The following GOPC variants were observed in gnomAD, a reference collection of about 807,000 sequenced individuals.
GOPC encodes the protein golgi associated PDZ and coiled-coil motif containing.
Under a neutral mutation model 51.2 loss-of-function variants are expected in GOPC, and 32 were observed. That is an observed-to-expected ratio of 0.63 (90% CI 0.47 to 0.84). GOPC has a LOEUF of 0.84. GOPC is among the 40% of genes least tolerant of loss of function. The pLI, the probability that GOPC is intolerant of heterozygous loss-of-function variation, is 0.00. For missense variants in GOPC, 441 were observed against 555.5 expected (o/e 0.79, Z 2.07); for synonymous variants, 190 against 205.1 (o/e 0.93, Z 0.63).
intron 4 of GOPC, among the ~76,000 whole-genome samples, chr6:117,574,417 C>T: frequency 6.6e-6 from 1 of 152,094 alleles, no homozygotes; most frequent in South Asian, 2.1e-4. Flanking sequence ...TTAATAAATA[C>T]AGCAGAATTC....
intron 5 of GOPC, among the ~76,000 whole-genome samples, chr6:117,572,916 T>G (rs947209689): frequency 6.6e-6 from 1 of 152,240 alleles, no homozygotes; most frequent in African/African-American, 2.4e-5. Context: ...GTCTATATTA[T>G]CAAGCAGCTG....
At chr6:117,585,084 A>G (rs986212966) in intron 1 of GOPC, among the ~76,000 whole-genome samples, 6 of 152,216 alleles carry the variant, frequency 3.9e-5, no homozygotes, top group Non-Finnish European at 5.9e-5. Flanking sequence ...ACAAATTAAC[A>G]TAAGAGGCAT....
intron 1 of GOPC, among the ~76,000 whole-genome samples, chr6:117,600,164 C>CACAG (rs1771972318): frequency 6.6e-6 from 1 of 152,158 alleles, no homozygotes; most frequent in Non-Finnish European, 1.5e-5. Context: ...TTCTTGCTGG[C>CACAG]AGGGGATCTG....
chr6:117,573,872 T>C (rs1004974756), intron 4 of GOPC, among the ~76,000 whole-genome samples: 6 of 152,178 alleles, frequency 3.9e-5, no homozygotes, highest in Non-Finnish European at 7.4e-5. Context: ...TGAACTCCTT[T>C]AGTCATATAC....
intron 1 of GOPC, among the ~76,000 whole-genome samples, chr6:117,590,014 C>G (rs997901604): frequency 2.0e-5 from 3 of 152,116 alleles, no homozygotes; most frequent in African/African-American, 7.2e-5. Context: ...ATAAATGAAC[C>G]TGAAGATCAG....
At chr6:117,569,840 C>T in intron 6 of GOPC, 104 bp from the exon 7 acceptor site, 4 of 1,230,842 alleles carry the variant, frequency 3.2e-6, no homozygotes, top group Non-Finnish European at 4.3e-6. Context: ...TCATTAAACA[C>T]CTATGCTGTC....
intron 5 of GOPC, among the ~76,000 whole-genome samples, chr6:117,572,851 A>G (rs1232898426): frequency 1.3e-5 from 2 of 152,238 alleles, no homozygotes; most frequent in African/African-American, 4.8e-5. Context: ...AAGGCCATAC[A>G]TTATCTGGTA....
rs554687710 is a variant in GOPC at position 117,563,683 on chromosome 6, C to T, written c.1259-299G>A. Among the ~76,000 whole-genome samples the T allele has an allele frequency of 8.6e-5, 13 of 151,466 alleles. No individual in the cohort carries two copies. The South Asian group carries it at 2.5e-3, about 29-fold the overall frequency. ...GTTGCAGTGAGCTGAGATCGTACCA[C>T]CGCACTCTAGCCTGGGTGACAGAGT... On this transcript the variant is annotated intron_variant, in intron 8 of 8. Coordinates refer to ENST00000368498, the MANE Select transcript of GOPC (RefSeq NM_020399.4).
In GOPC at chr6:117,593,014, T is replaced by TAA. The variant is rs1780142281; in HGVS notation, c.285+8989_285+8990insTT. On this transcript the variant is annotated intron_variant, in intron 1 of 8. Transcript: ENST00000368498. Reference sequence around the variant, plus strand: ...TAAACCTAGTTATTACTCTCATTACTGTGCCTGTACCTAAACAGATATGCA... The same window carrying TAA: ...TAAACCTAGTTATTACTCTCATTACTAAGTGCCTGTACCTAAACAGATATGCA... 2.0e-5 allele frequency among the ~76,000 whole-genome samples: 3 copies of TAA among 152,326 alleles called. No individual in the cohort carries two copies. In the South Asian group the frequency reaches 6.2e-4, roughly 32 times the overall value.
rs1305816403 is a variant in GOPC at position 117,573,647 on chromosome 6, A to G, written c.651-15T>C. 1 of 1,594,520 alleles carries G rather than the reference A, an allele frequency of 6.3e-7. No homozygotes were observed. Among genetic ancestry groups the G allele is most frequent in the African/African-American group, 1.3e-5 (1 of 74,182 alleles). ...TCTGTTGGACCCTTCATATTGGGAAAAGAGTACATTGATTTTTCATTATAT... is the reference window on the plus strand; with the variant it reads ...TCTGTTGGACCCTTCATATTGGGAAGAGAGTACATTGATTTTTCATTATAT... On this transcript the variant is annotated splice_polypyrimidine_tract_variant and intron_variant, in intron 4 of 8. Transcript: ENST00000368498.
chr6:117,592,680 A>G (rs1780136166), intron 1 of GOPC, among the ~76,000 whole-genome samples: 1 of 152,026 alleles, frequency 6.6e-6, no homozygotes, highest in African/African-American at 2.4e-5. Context: ...TCTTACCTCC[A>G]TCTTTACATA....
intron 1 of GOPC, 97 bp downstream of exon 1, chr6:117,601,907 A>G (rs1772019735): frequency 7.5e-7 from 1 of 1,333,372 alleles, no homozygotes; most frequent in Admixed American, 2.2e-5. Flanking sequence ...CCCGGTGGGC[A>G]GTTTTCTAGG....
At chr6:117,568,330 G>A (rs140507163) in intron 7 of GOPC, among the ~76,000 whole-genome samples, 4,321 of 152,304 alleles carry the variant, frequency 0.028, 86 homozygotes, top group Non-Finnish European at 0.046. Context: ...ACTATGGCTT[G>A]CCTTTGCTCA....
chr6:117,597,387 T>C (rs1026777969), intron 1 of GOPC, among the ~76,000 whole-genome samples: 3 of 152,186 alleles, frequency 2.0e-5, no homozygotes, highest in Non-Finnish European at 4.4e-5. Context: ...TTCTTTCTCT[T>C]GTCTGATTGC....
At chr6:117,570,741 T>A in intron 6 of GOPC, 119 bp downstream of exon 6, 2 of 422,452 alleles carry the variant, frequency 4.7e-6, no homozygotes, top group Non-Finnish European at 8.4e-6. Context: ...CCCATGGGGA[T>A]AAATTTTAGT....
intron 7 of GOPC, among the ~76,000 whole-genome samples, chr6:117,568,106 G>A (rs77216356): frequency 0.035 from 5,375 of 151,988 alleles, 129 homozygotes; most frequent in Non-Finnish European, 0.051. Context: ...GGCTGAGGTC[G>A]GAGGATCTGT....
chr6:117,566,897 A>G lies in GOPC; in HGVS notation c.1215T>C (p.Gly405=). ...LDELEGGGNP[G]ASCKDTSGEI... is the part of the protein sequence containing the mutation. ...CCCCACTTGTGTCTTTGCAACTAGC[A>G]CCAGGGTTACCACCTCCTTCTAACT... Residue 405 remains glycine (G), a synonymous_variant, in exon 8 of 9, where the codon GGT becomes GGC. Transcript: ENST00000368498. The G allele has an allele frequency of 6.2e-7, 1 of 1,604,976 alleles. No individual in the cohort carries two copies. The highest frequency in any genetic ancestry group is 8.5e-7 in the Non-Finnish European group (1 of 1,176,332).
intron 3 of GOPC, 163 bp from the exon 4 acceptor site, chr6:117,575,515 A>G: frequency 2.6e-6 from 2 of 767,066 alleles, no homozygotes; most frequent in Non-Finnish European, 4.7e-6. Context: ...GTACCATAAC[A>G]TCTTGGAACT....
At chr6:117,597,106 T>C (rs769157640) in intron 1 of GOPC, among the ~76,000 whole-genome samples, 4 of 152,226 alleles carry the variant, frequency 2.6e-5, no homozygotes, top group Non-Finnish European at 5.9e-5. Context: ...TTTCATCTCC[T>C]TGGTTAAGTA....
Sources: gnomAD v4.1 joint callset for allele counts (sites outside exome capture counted in the v4.1 genomes callset) on GRCh38, gnomAD v4.1.1 for gene constraint, MANE v1.5 for transcripts, NCBI Gene and HGNC (gene_info 2026-07-23, HGNC 2026-07-21) for gene names.